DDX1: variants seen among roughly 807,000 people sequenced by gnomAD.
DDX1 encodes the protein DEAD-box helicase 1, also known as ATP-dependent RNA helicase DDX1.
DDX1 carries 28 observed loss-of-function variants against 108.7 expected under a neutral mutation model. That is an observed-to-expected ratio of 0.26 (90% CI 0.19 to 0.35). The LOEUF (loss-of-function observed/expected upper bound fraction) is 0.35. Among genes scored for constraint, DDX1 ranks in the 10% least tolerant of loss-of-function variants. The probability of loss-of-function intolerance (pLI) is 1.00; values close to 1 mark genes in which losing one functional copy is unlikely to be tolerated. For missense variants in DDX1, 710 were observed against 884.5 expected (o/e 0.80, Z 2.50); for synonymous variants, 295 against 288.9 (o/e 1.02, Z -0.21).
intron 13 of DDX1, among the ~76,000 whole-genome samples, chr2:15,609,119 T>A (rs1299691268): frequency 6.6e-6 from 1 of 152,312 alleles, no homozygotes; most frequent in African/African-American, 2.4e-5. Context: ...GAGCATACCA[T>A]GTAACCAGGG....
chr2:15,594,650 C>A, intron 1 of DDX1, among the ~76,000 whole-genome samples: 1 of 152,176 alleles, frequency 6.6e-6, no homozygotes, highest in East Asian at 1.9e-4. Context: ...GGGTGCTCGC[C>A]ACTTGTCTAT....
intron 8 of DDX1, 65 bp downstream of exon 8, chr2:15,603,340 G>T: frequency 9.0e-7 from 1 of 1,113,330 alleles, no homozygotes; most frequent in South Asian, 1.4e-5. Context: ...TTATTATTTG[G>T]GGAAGCAAAA....
chr2:15,596,739 A>C lies in DDX1; in HGVS notation c.138A>C (p.Ala46=). 1 of 1,612,104 alleles carries C rather than the reference A, an allele frequency of 6.2e-7. No individual in the cohort carries two copies. The highest frequency in any genetic ancestry group is 2.2e-5 in the East Asian group (1 of 44,844). Residue 46 remains alanine (A), a synonymous_variant, in exon 4 of 26, where the codon GCA becomes GCC. Transcript: ENST00000233084. ...ACTTTTTTCCCCTCATTCAGGCTGC[A>C]GAAACAGGAAGTGGCAAAACTGGTG... The part of the protein sequence containing the change: ...ILGGGDVLMA[A]ETGSGKTGAF...
chr2:15,617,161 A>G, intron 14 of DDX1, 83 bp from the exon 15 acceptor site: 1 of 598,314 alleles, frequency 1.7e-6, no homozygotes, highest in Non-Finnish European at 2.9e-6. Flanking sequence ...GTTTTTATTA[A>G]AAAGACAGTT....
In DDX1 at chr2:15,617,329, T is replaced by C; in HGVS notation, c.1103T>C (p.Val368Ala). ...AACTTATCTCAAGTTAGATTCCTGG[T>C]CCTGGATGAAGCTGTATGTTGAAAT... Reference protein sequence around the residue: ...KLNLSQVRFLVLDEADGLLSQ... With the variant: ...KLNLSQVRFLALDEADGLLSQ... The change falls in exon 15 of 26, where the codon GTC (valine) becomes GCC (alanine). Residue 368 changes from valine to alanine, a missense_variant. Val to Ala is a moderately conservative substitution (Grantham distance 64). Transcript: ENST00000233084. The C allele has an allele frequency of 6.3e-7, 1 of 1,591,972 alleles. No homozygotes were observed. The highest frequency in any genetic ancestry group is 8.6e-7 in the Non-Finnish European group (1 of 1,165,648).
In DDX1 at chr2:15,602,561, T is replaced by G; in HGVS notation, c.321T>G (p.Asp107Glu). 5 of 1,613,570 alleles carry G rather than the reference T, an allele frequency of 3.1e-6. No homozygotes were observed. Among genetic ancestry groups the G allele is most frequent in the Non-Finnish European group, 4.2e-6 (5 of 1,179,476 alleles). The change falls in exon 7 of 26, where the codon GAT becomes GAG. Residue 107 changes from aspartate to glutamate, a missense_variant. Asp to Glu is a conservative substitution (Grantham distance 45). Transcript: ENST00000233084. Reference protein sequence around the residue: ...DRGSAFAIGSDGLCCQSREVK... With the variant: ...DRGSAFAIGSEGLCCQSREVK... ...TCTCAAATCCAGCAATTGGGTCAGA[T>G]GGTCTTTGTTGTCAAAGCAGAGAAG... is the stretch of plus-strand genomic sequence containing the variant.
At chr2:15,608,905 A>T (rs1031378779) in intron 13 of DDX1, among the ~76,000 whole-genome samples, 2 of 152,204 alleles carry the variant, frequency 1.3e-5, no homozygotes, top group Non-Finnish European at 2.9e-5. Flanking sequence ...GGGATAAATT[A>T]TGTAAAATAA....
intron 10 of DDX1, 99 bp from the exon 11 acceptor site, chr2:15,605,851 A>T: frequency 1.3e-6 from 1 of 784,876 alleles, no homozygotes; most frequent in Non-Finnish European, 2.0e-6. Context: ...GTGACAGGAG[A>T]GAGGCATGAA....
chr2:15,591,949 G>C lies in DDX1; in HGVS notation c.16G>C (p.Glu6Gln). Residue 6 changes from glutamate to glutamine, a missense_variant and splice_region_variant, in exon 1 of 26, where the codon GAG becomes CAG. Glu to Gln is a conservative substitution (Grantham distance 29, BLOSUM62 2). Coordinates refer to ENST00000233084, the MANE Select transcript of DDX1 (RefSeq NM_004939.3). ...CGGGGTGAAGATGGCGGCCTTCTCC[G>C]GTGCGTTTGTGGAAACTCTGGGGGT... MAAFSEMGVMPEIAQA... is the reference protein window; with the variant it reads MAAFSQMGVMPEIAQA... 7.0e-7 allele frequency: 1 copy of C among 1,432,436 alleles called. No homozygotes were observed. Among genetic ancestry groups the C allele is most frequent in the Non-Finnish European group, 9.2e-7 (1 of 1,091,794 alleles). 88.7% of individuals were successfully genotyped at this position (1,432,436 alleles called of 1,614,324 possible).
intron 21 of DDX1, 55 bp downstream of exon 21, chr2:15,628,572 G>A: frequency 1.3e-6 from 2 of 1,597,036 alleles, no homozygotes; most frequent in African/African-American, 1.3e-5. Flanking sequence ...CTAAAGTAAA[G>A]CCTTCTAATA....
intron 6 of DDX1, among the ~76,000 whole-genome samples, chr2:15,600,966 C>T (rs906420731): frequency 6.6e-6 from 1 of 151,698 alleles, no homozygotes; most frequent in Non-Finnish European, 1.5e-5. Context: ...TGGCTCTGTA[C>T]CATAGGTGAT....
In DDX1 at chr2:15,620,312, T is replaced by G. The variant is rs1385975639; in HGVS notation, c.1311T>G (p.Val437=). Residue 437 remains valine (V), a synonymous_variant, in exon 17 of 26, where the codon GTT becomes GTG. Transcript: ENST00000233084. ...TWVDLKGEDS[V]PDTVHHVVVP... is the part of the protein sequence containing the mutation. The stretch of plus-strand genomic sequence containing the variant: ...TTGACTTAAAAGGAGAAGACTCTGT[T>G]CCAGATACTGTACACCATGTTGTTG... 2 of 1,613,932 alleles carry G rather than the reference T, an allele frequency of 1.2e-6. No homozygotes were observed.
chr2:15,595,423 G>T, intron 2 of DDX1, 67 bp from the exon 3 acceptor site: 1 of 1,312,378 alleles, frequency 7.6e-7, no homozygotes, highest in Non-Finnish European at 1.1e-6. Context: ...GCAAATTAAC[G>T]TGACTTAATT....
intron 23 of DDX1, 22 bp downstream of exon 23, chr2:15,628,861 T>TA (rs2148750674): frequency 6.3e-7 from 1 of 1,599,540 alleles, no homozygotes; most frequent in East Asian, 2.2e-5. Context: ...AGGGCTCTAT[T>TA]ATATTCATTG....
chr2:15,601,848 GT>G (rs1190004280), intron 6 of DDX1, among the ~76,000 whole-genome samples: 1 of 152,110 alleles, frequency 6.6e-6, no homozygotes, highest in African/African-American at 2.4e-5. Flanking sequence ...AGAAATTATA[GT>G]TTTTTTCCAG....
At chr2:15,630,607 A>G (rs532816108) in intron 25 of DDX1, among the ~76,000 whole-genome samples, 169 bp from the exon 26 acceptor site, 2 of 152,326 alleles carry the variant, frequency 1.3e-5, no homozygotes, top group South Asian at 2.1e-4. Context: ...TTTATATTGA[A>G]ATAATTGATT....
At position 15,606,161 on chromosome 2, in the gene DDX1, G is replaced by A; in HGVS notation, c.714G>A (p.Leu238=). 2.5e-6 allele frequency: 4 copies of A among 1,613,488 alleles called. No individual in the cohort carries two copies. Among genetic ancestry groups the A allele is most frequent in the Non-Finnish European group, 3.4e-6 (4 of 1,179,512 alleles). ...TTATTCAATGCTAGAATGCTGAACTGAAATTTAACTTCGGTGAAGAGGAAT... is the reference window on the plus strand; with the variant it reads ...TTATTCAATGCTAGAATGCTGAACTAAAATTTAACTTCGGTGAAGAGGAAT... ...FPACVLKNAE[L]KFNFGEEEFK... Residue 238 remains leucine, a synonymous_variant, in exon 12 of 26, where the codon CTG becomes CTA. Transcript: ENST00000233084.
intron 20 of DDX1, among the ~76,000 whole-genome samples, chr2:15,628,186 A>G (rs970784370): frequency 6.6e-5 from 10 of 152,186 alleles, no homozygotes; most frequent in Non-Finnish European, 1.5e-4. Flanking sequence ...AGTTTTAGCA[A>G]TAGTTTAATA....
chr2:15,624,818 G>A (rs4668947), intron 19 of DDX1, among the ~76,000 whole-genome samples: 104,959 of 152,098 alleles, frequency 0.69, 37,298 homozygotes, highest in East Asian at 0.89. Context: ...AATTTTGGCT[G>A]TGGAGCAACT....
Sources: gnomAD v4.1 joint callset for allele counts (sites outside exome capture counted in the v4.1 genomes callset) on GRCh38, gnomAD v4.1.1 for gene constraint, MANE v1.5 for transcripts, NCBI Gene and HGNC (gene_info 2026-07-23, HGNC 2026-07-21) for gene names.